Variants in NDUFAF5 observed in about 807,000 individuals in gnomAD.
NDUFAF5 encodes NADH:ubiquinone oxidoreductase complex assembly factor 5.
A neutral mutation model predicts 48.9 loss-of-function variants in NDUFAF5; 34 were observed. The observed-to-expected ratio is 0.70, with a 90% CI of 0.53 to 0.93. The LOEUF (loss-of-function observed/expected upper bound fraction) is 0.93. Among genes scored for constraint, NDUFAF5 ranks in the 40% least tolerant of loss-of-function variants. The probability of loss-of-function intolerance (pLI) is 0.00; values close to 1 mark genes in which losing one functional copy is unlikely to be tolerated. For missense variants in NDUFAF5, 428 were observed against 427.5 expected (o/e 1.00, Z -0.01); for synonymous variants, 153 against 150.6 (o/e 1.02, Z -0.12).
At chr20:13,787,504 G>T (rs981091936) in intron 2 of NDUFAF5, 152 bp downstream of exon 2, 1 of 794,106 alleles carries the variant, frequency 1.3e-6, no homozygotes, top group Non-Finnish European at 2.2e-6. Context: ...CCTTTTTCTT[G>T]TCTGGAGAGC....
At position 13,821,182 on chromosome 20, in the gene NDUFAF5, A is replaced by G. The variant is rs558086099; in HGVS notation, c.*3972A>G. ...CAAATTTTTGATATGCTTCTCTTTA[A>G]GACGGGACACTTCATTCCCCTCTAA... is the stretch of plus-strand genomic sequence containing the variant. On this transcript the variant is annotated 3_prime_UTR_variant, in exon 11 of 11. Coordinates refer to ENST00000378106, the MANE Select transcript of NDUFAF5 (RefSeq NM_024120.5). 3 of 152,348 alleles carry G rather than the reference A, an allele frequency of 2.0e-5. No homozygotes were observed. The East Asian group carries it at 5.8e-4, about 29-fold the overall frequency. 9.4% of individuals were successfully genotyped at this position (152,348 alleles called of 1,614,324 possible).
At chr20:13,797,786 A>G (rs949024141) in intron 5 of NDUFAF5, among the ~76,000 whole-genome samples, 1 of 152,104 alleles carries the variant, frequency 6.6e-6, no homozygotes, top group Non-Finnish European at 1.5e-5. Context: ...ACAAATATAC[A>G]CTCTGGAGAT....
In NDUFAF5 at chr20:13,797,150, G is replaced by A. The variant is rs537029955; in HGVS notation, c.480-1311G>A. On this transcript the variant is annotated intron_variant, in intron 5 of 10. Transcript: ENST00000378106. ...TGGAGTTCATTATTGGTGGGAATGC[G>A]AAATGGTACAGGCACTTTGCAAGAT... Among the ~76,000 whole-genome samples the A allele has an allele frequency of 1.3e-4, 20 of 152,290 alleles. No individual in the cohort carries two copies. In the East Asian group the frequency reaches 2.7e-3, roughly 21 times the overall value.
intron 5 of NDUFAF5, among the ~76,000 whole-genome samples, chr20:13,796,940 C>G (rs912641572): frequency 5.9e-5 from 9 of 152,314 alleles, no homozygotes; most frequent in African/African-American, 1.9e-4. Flanking sequence ...GATCGCGCCA[C>G]TGCACTCCAG....
intron 6 of NDUFAF5, among the ~76,000 whole-genome samples, chr20:13,799,359 T>C (rs1983752694): frequency 6.6e-6 from 1 of 152,168 alleles, no homozygotes; most frequent in Non-Finnish European, 1.5e-5. Flanking sequence ...CTGTTTTATA[T>C]TTGTGTTAAA....
At position 13,785,209 on chromosome 20, in the gene NDUFAF5, C is replaced by T. The variant is rs1479563119; in HGVS notation, c.141C>T (p.Phe47=). ...GSTSPRTLNI[F]DRDLKRKQKN... Reference sequence around the variant, plus strand: ...CCTCGCCCAGAACCCTGAATATTTTCGACCGGGATTTGAAAAGGAAACAGA... The same window carrying T: ...CCTCGCCCAGAACCCTGAATATTTTTGACCGGGATTTGAAAAGGAAACAGA... Residue 47 remains phenylalanine, a synonymous_variant, in exon 1 of 11, where the codon TTC becomes TTT. Coordinates refer to ENST00000378106, the MANE Select transcript of NDUFAF5 (RefSeq NM_024120.5). 1.9e-6 allele frequency: 3 copies of T among 1,613,624 alleles called. No homozygotes were observed. In the African/African-American group the frequency reaches 4.0e-5, roughly 22 times the overall value.
At chr20:13,795,887 A>G (rs143822266) in intron 5 of NDUFAF5, among the ~76,000 whole-genome samples, 7 of 152,302 alleles carry the variant, frequency 4.6e-5, no homozygotes, top group East Asian at 1.9e-4. Flanking sequence ...GTTTTCTACT[A>G]TCTTCCTCCA....
chr20:13,810,326 T>G (rs577404627), intron 8 of NDUFAF5, among the ~76,000 whole-genome samples: 1 of 152,278 alleles, frequency 6.6e-6, no homozygotes, highest in East Asian at 1.9e-4. Flanking sequence ...GAAAGAATGT[T>G]TCAAAACAAA....
intron 6 of NDUFAF5, among the ~76,000 whole-genome samples, chr20:13,799,477 T>C (rs1983774132): frequency 6.6e-6 from 1 of 152,108 alleles, no homozygotes; most frequent in South Asian, 2.1e-4. Flanking sequence ...GGTGGTTGCA[T>C]CACCTGAGGT....
In NDUFAF5 at chr20:13,818,427, C is replaced by A; in HGVS notation, c.*1217C>A. The A allele has an allele frequency of 3.3e-6, 1 of 301,634 alleles. No individual in the cohort carries two copies. The highest frequency in any genetic ancestry group is 6.5e-6 in the Non-Finnish European group (1 of 154,924). 18.7% of individuals were successfully genotyped at this position (301,634 alleles called of 1,614,324 possible). On this transcript the variant is annotated 3_prime_UTR_variant, in exon 11 of 11. Transcript: ENST00000378106. The stretch of plus-strand genomic sequence containing the variant: ...AGTAAACCTGTGAAGTAGAATTTGG[C>A]GTTTTGTTTTTTGGGGTTTTTTTTT...
intron 3 of NDUFAF5, among the ~76,000 whole-genome samples, chr20:13,792,893 C>T (rs191770025): frequency 7.6e-4 from 116 of 152,272 alleles, no homozygotes; most frequent in Non-Finnish European, 1.3e-3. Flanking sequence ...GGGGAAATAG[C>T]TCTTAGCATG....
At chr20:13,797,226 C>T (rs1038277901) in intron 5 of NDUFAF5, among the ~76,000 whole-genome samples, 1 of 152,166 alleles carries the variant, frequency 6.6e-6, no homozygotes, top group Non-Finnish European at 1.5e-5. Flanking sequence ...TACGATCCAG[C>T]GATTGCATGC....
intron 7 of NDUFAF5, among the ~76,000 whole-genome samples, chr20:13,805,652 G>A (rs915179583): frequency 3.9e-5 from 6 of 152,016 alleles, no homozygotes; most frequent in Non-Finnish European, 8.8e-5. Flanking sequence ...TTAATATTGC[G>A]TCCTGGCCAG....
intron 2 of NDUFAF5, among the ~76,000 whole-genome samples, chr20:13,787,876 G>GTT (rs745911386): frequency 3.1e-4 from 47 of 151,896 alleles, no homozygotes; most frequent in Non-Finnish European, 5.6e-4. Context: ...AAAATTTTAA[G>GTT]TTTTCTTATT....
chr20:13,785,870 A>G lies in NDUFAF5; in HGVS notation c.222+580A>G, dbSNP rs184932903. On this transcript the variant is annotated intron_variant, in intron 1 of 10. Transcript: ENST00000378106. ...ATTAAATATAAATTTAAATTTTTCA[A>G]TTAAAATTTCTCTCGTTTTTACTTT... 2.0e-3 allele frequency among the ~76,000 whole-genome samples: 304 copies of G among 152,334 alleles called. 3 individuals are homozygous for G. The highest frequency in any genetic ancestry group is 0.017 in the Middle Eastern group (5 of 294).
At chr20:13,815,534 A>T (rs1001439538) in intron 8 of NDUFAF5, among the ~76,000 whole-genome samples, 5 of 152,338 alleles carry the variant, frequency 3.3e-5, no homozygotes, top group African/African-American at 1.2e-4. Flanking sequence ...GTTTAGGTGC[A>T]GCTCATTTGT....
chr20:13,798,379 T>G (rs554133493), intron 5 of NDUFAF5, 82 bp from the exon 6 acceptor site: 131 of 986,460 alleles, frequency 1.3e-4, no homozygotes, highest in South Asian at 5.1e-4. Flanking sequence ...CACCTTTTTA[T>G]GGGTTATCAT....
intron 7 of NDUFAF5, among the ~76,000 whole-genome samples, chr20:13,802,671 CAAAAAAAA>C (rs11472201): frequency 1.9e-5 from 2 of 102,864 alleles, no homozygotes; most frequent in East Asian, 2.9e-4. Context: ...ATTCCCGTCT[CAAAAAAAA>C]AAAAAAAAAA....
At chr20:13,798,058 ATATTTC>A (rs1417182454) in intron 5 of NDUFAF5, among the ~76,000 whole-genome samples, 1 of 152,206 alleles carries the variant, frequency 6.6e-6, no homozygotes, top group Non-Finnish European at 1.5e-5. Context: ...GAATAATACT[ATATTTC>A]TGTAGCTTAA....
Sources: allele counts gnomAD v4.1 joint callset (sites outside exome capture counted in the v4.1 genomes callset), GRCh38; gene constraint gnomAD v4.1.1; transcripts MANE v1.5; gene names NCBI Gene and HGNC (gene_info 2026-07-23, HGNC 2026-07-21).